Variants in OSBPL10 observed in about 807,000 individuals in gnomAD.
OSBPL10 encodes oxysterol-binding protein-related protein 10.
In OSBPL10, 49 loss-of-function variants were observed where a neutral mutation model predicts 81.7. The observed-to-expected ratio is 0.60, with a 90% CI of 0.48 to 0.76. The LOEUF is 0.76. Among genes scored for constraint, OSBPL10 ranks in the 30% least tolerant of loss-of-function variants. The pLI is 0.00. For missense variants in OSBPL10, 923 were observed against 987.8 expected, an observed-to-expected ratio of 0.93 and a Z score of 0.88; for synonymous variants, 419 against 383.6, an observed-to-expected ratio of 1.09 and a Z score of -1.08.
Position 31,895,134 on chromosome 3 carries a change from C to CTTTTTTTT in OSBPL10, c.282-15312_282-15305dup, listed in dbSNP as rs10529845. Among the ~76,000 whole-genome samples the CTTTTTTTT allele has an allele frequency of 2.0e-3, 252 of 124,868 alleles. 7 individuals are homozygous for CTTTTTTTT. In the East Asian group the frequency reaches 0.027, roughly 14 times the overall value. The allele number at this position is 124,868 out of a possible 152,430, so 81.9% of individuals were successfully genotyped here. On this transcript the variant is annotated intron_variant, in intron 1 of 11. Coordinates refer to ENST00000396556, the MANE Select transcript of OSBPL10 (RefSeq NM_017784.5). Reference sequence around the variant, plus strand: ...GCTGCATATTAGAATTCTCTGCGGCCTTTTTTTTTTTTTTTTTTAGACGGA... The same window carrying CTTTTTTTT: ...GCTGCATATTAGAATTCTCTGCGGCCTTTTTTTTTTTTTTTTTTTTTTTTTTAGACGGA...
chr3:31,783,111 T>TTTTATA (rs1048319563), intron 4 of OSBPL10, among the ~76,000 whole-genome samples: 11 of 121,650 alleles, frequency 9.0e-5, no homozygotes, highest in African/African-American at 3.7e-4. Flanking sequence ...AATATATCTA[T>TTTTATA]TATATATATA....
chr3:31,969,862 C>CA (rs999893051), intron 1 of OSBPL10, among the ~76,000 whole-genome samples: 2 of 85,248 alleles, frequency 2.3e-5, no homozygotes, highest in Non-Finnish European at 4.8e-5. Context: ...CTCAAAAAAA[C>CA]AAAAAAAGAA....
intron 1 of OSBPL10, among the ~76,000 whole-genome samples, chr3:31,931,278 C>T (rs1253656943): frequency 6.6e-6 from 1 of 152,036 alleles, no homozygotes; most frequent in Non-Finnish European, 1.5e-5. Context: ...GCATTTGAAA[C>T]ACTCCCCACT....
At chr3:31,691,546 G>C (rs1012014726) in intron 7 of OSBPL10, among the ~76,000 whole-genome samples, 24 of 152,078 alleles carry the variant, frequency 1.6e-4, no homozygotes, top group African/African-American at 5.6e-4. Context: ...AGACCTTGTT[G>C]TCTCTACACA....
intron 3 of OSBPL10, among the ~76,000 whole-genome samples, chr3:31,840,891 C>CTTGTTGTTGTTGTTG (rs201810752): frequency 6.6e-6 from 1 of 152,060 alleles, no homozygotes. Flanking sequence ...AGTTAGGCTT[C>CTTGTTGTTGTTGTTG]TTGTTGTTGT....
chr3:31,955,370 A>G (rs1697980185), intron 1 of OSBPL10, among the ~76,000 whole-genome samples: 1 of 152,216 alleles, frequency 6.6e-6, no homozygotes, highest in Non-Finnish European at 1.5e-5. Flanking sequence ...CGAGGCTAGA[A>G]TTTGAAACCA....
intron 2 of OSBPL10, among the ~76,000 whole-genome samples, chr3:31,878,934 C>T (rs1701552395): frequency 1.3e-5 from 2 of 151,722 alleles, no homozygotes. Context: ...AGCAATGCAA[C>T]CATGACAGAT....
intron 1 of OSBPL10, among the ~76,000 whole-genome samples, chr3:31,925,363 A>G (rs1379208506): frequency 6.6e-6 from 1 of 150,876 alleles, no homozygotes; most frequent in Non-Finnish European, 1.5e-5. Context: ...ATCCCTTCCC[A>G]CTCCCTAAAG....
At chr3:32,016,720 T>C (rs933155927) in intron 2 of OSBPL10, among the ~76,000 whole-genome samples, 25 of 152,226 alleles carry the variant, frequency 1.6e-4, no homozygotes, top group African/African-American at 5.1e-4. Flanking sequence ...AGTCTCAAGT[T>C]TTAATGCTCT....
chr3:32,023,387 G>A (rs1043837944), intron 2 of OSBPL10, among the ~76,000 whole-genome samples: 11 of 151,952 alleles, frequency 7.2e-5, no homozygotes, highest in African/African-American at 2.2e-4. Flanking sequence ...TTTATCTTCC[G>A]CCACAATTGT....
At position 31,776,344 on chromosome 3, in the gene OSBPL10, AACCTTCTTAT is replaced by A. The variant is rs566312387; in HGVS notation, c.730-28234_730-28225del. On this transcript the variant is annotated intron_variant, in intron 4 of 11. Coordinates refer to ENST00000396556, the MANE Select transcript of OSBPL10 (RefSeq NM_017784.5). The stretch of plus-strand genomic sequence containing the variant: ...GCTGGCAAGAATGTGGAGGAATTGG[AACCTTCTTAT>A]ACCGTTGGTGAGAATGTAAAATGGC... 1.2e-4 allele frequency among the ~76,000 whole-genome samples: 18 copies of A among 152,330 alleles called. No individual in the cohort carries two copies. The South Asian group carries it at 3.7e-3, about 32-fold the overall frequency.
At position 31,965,749 on chromosome 3, in the gene OSBPL10, ATATAT is replaced by A. The variant is rs1366597285; in HGVS notation, c.281+15145_281+15149del. On this transcript the variant is annotated intron_variant, in intron 1 of 11. Transcript: ENST00000396556. ...AATATATATTATCTATTTATATAAT[ATATAT>A]TATATTAAAAGATAATATATATTAT... Among the ~76,000 whole-genome samples, 3 of 68,766 alleles carry A rather than the reference ATATAT, an allele frequency of 4.4e-5. 1 individual carries two copies. The highest frequency in any genetic ancestry group is 1.3e-4 in the African/African-American group (2 of 15,962). The allele number at this position is 68,766 out of a possible 152,430, so 45.1% of individuals were successfully genotyped here.
chr3:31,671,531 A>G (rs928324226), intron 8 of OSBPL10, among the ~76,000 whole-genome samples: 6 of 152,146 alleles, frequency 3.9e-5, no homozygotes, highest in African/African-American at 1.4e-4. Context: ...ACTTCTAGGA[A>G]GAGTTCTGCC....
intron 4 of OSBPL10, among the ~76,000 whole-genome samples, chr3:31,775,317 C>A (rs144180350): frequency 6.0e-4 from 92 of 152,120 alleles, no homozygotes; most frequent in African/African-American, 2.1e-3. Context: ...AACCATGGAA[C>A]CCAAGCTGAT....
At chr3:31,949,702 G>GAAAAAAAAA (rs1697815017) in intron 1 of OSBPL10, among the ~76,000 whole-genome samples, 1 of 97,702 alleles carries the variant, frequency 1.0e-5, no homozygotes, top group African/African-American at 4.0e-5. Context: ...AAAAAAAAAG[G>GAAAAAAAAA]ATACTGGGTT....
At chr3:31,905,345 A>ATGTTTTTTTTTTTTTTTTTTTTTTT (rs1696373856) in intron 1 of OSBPL10, among the ~76,000 whole-genome samples, 1 of 94,860 alleles carries the variant, frequency 1.1e-5, no homozygotes, top group East Asian at 3.8e-4. Context: ...GAACCTGGTG[A>ATGTTTTTTTTTTTTTTTTTTTTTTT]TTTTTTTTTT....
chr3:31,712,268 G>A (rs1040050200), intron 6 of OSBPL10, among the ~76,000 whole-genome samples: 1 of 152,158 alleles, frequency 6.6e-6, no homozygotes, highest in African/African-American at 2.4e-5. Context: ...TGCACCCAGT[G>A]GCCTATTCAA....
intron 7 of OSBPL10, among the ~76,000 whole-genome samples, chr3:31,696,020 CAG>C: frequency 6.6e-6 from 1 of 152,296 alleles, no homozygotes; most frequent in East Asian, 1.9e-4. Context: ...GATGAGAAAA[CAG>C]AGGCACTCAG....
rs181702390 is a variant in OSBPL10, at chr3:31,980,729, C to T, written c.281+170G>A. Among the ~76,000 whole-genome samples, 1,117 of 152,328 alleles carry T rather than the reference C, an allele frequency of 7.3e-3. 12 individuals carry two copies. The highest frequency in any genetic ancestry group is 0.011 in the Non-Finnish European group (752 of 68,022). On this transcript the variant is annotated intron_variant, in intron 1 of 11. Coordinates refer to ENST00000396556, the MANE Select transcript of OSBPL10 (RefSeq NM_017784.5). ...GGCGCGCCCCATCCTGAGAACCCCA[C>T]CTGGAGGGGAGCAGGGACGCAGGAA... is the stretch of plus-strand genomic sequence containing the variant.
Sources: allele counts gnomAD v4.1 joint callset (sites outside exome capture counted in the v4.1 genomes callset), GRCh38; gene constraint gnomAD v4.1.1; transcripts MANE v1.5; gene names NCBI Gene and HGNC (gene_info 2026-07-23, HGNC 2026-07-21).